Variants in SLC1A1 observed in about 807,000 individuals in gnomAD.
SLC1A1 encodes the protein excitatory amino acid transporter 3.
SLC1A1 carries 43 observed loss-of-function variants against 53.3 expected under a neutral mutation model. That is an observed-to-expected ratio of 0.81 (90% CI 0.63 to 1.04). The LOEUF (loss-of-function observed/expected upper bound fraction) is 1.04. Among genes scored for constraint, SLC1A1 ranks in the 50% least tolerant of loss-of-function variants. The probability of loss-of-function intolerance (pLI) is 0.00; values close to 1 mark genes in which losing one functional copy is unlikely to be tolerated. For synonymous variants in SLC1A1, 307 were observed against 243.2 expected, an observed-to-expected ratio of 1.26 and a Z score of -2.44; for missense variants, 748 against 664.9, an observed-to-expected ratio of 1.12 and a Z score of -1.37.
chr9:4,581,996 T>C (rs1345976943), intron 10 of SLC1A1, among the ~76,000 whole-genome samples: 1 of 152,146 alleles, frequency 6.6e-6, no homozygotes, highest in African/African-American at 2.4e-5. Flanking sequence ...AATTGCCAAT[T>C]TTTACATTTT....
chr9:4,562,313 A>T (rs1819033282), intron 3 of SLC1A1, among the ~76,000 whole-genome samples: 1 of 152,128 alleles, frequency 6.6e-6, no homozygotes, highest in African/African-American at 2.4e-5. Context: ...ACCTCAGGTG[A>T]TCTACCTGCC....
chr9:4,550,680 C>T (rs1006661745), intron 2 of SLC1A1, among the ~76,000 whole-genome samples: 5 of 152,180 alleles, frequency 3.3e-5, no homozygotes, highest in African/African-American at 1.2e-4. Context: ...AATGAGCCAC[C>T]ACACCTGCCC....
At chr9:4,524,273 G>A (rs891082731) in intron 1 of SLC1A1, among the ~76,000 whole-genome samples, 4 of 152,122 alleles carry the variant, frequency 2.6e-5, no homozygotes, top group Admixed American at 1.3e-4. Flanking sequence ...TGGGCATATC[G>A]GAAAGGGTAA....
chr9:4,566,419 A>G (rs1043793931), intron 5 of SLC1A1, among the ~76,000 whole-genome samples: 2 of 152,216 alleles, frequency 1.3e-5, no homozygotes, highest in African/African-American at 2.4e-5. Context: ...GAACCATAGT[A>G]TATTTGTACT....
intron 2 of SLC1A1, among the ~76,000 whole-genome samples, chr9:4,560,581 A>T (rs1311091203): frequency 6.6e-6 from 1 of 152,140 alleles, no homozygotes; most frequent in Non-Finnish European, 1.5e-5. Flanking sequence ...GTTGTAATGA[A>T]TATATATTAC....
intron 1 of SLC1A1, among the ~76,000 whole-genome samples, chr9:4,531,629 G>C (rs1467364370): frequency 2.0e-5 from 3 of 152,172 alleles, no homozygotes; most frequent in Admixed American, 2.0e-4. Context: ...CACCTCTAGG[G>C]GCAGGGCAGT....
At chr9:4,509,405 T>C (rs1388415817) in intron 1 of SLC1A1, among the ~76,000 whole-genome samples, 1 of 152,072 alleles carries the variant, frequency 6.6e-6, no homozygotes, top group Non-Finnish European at 1.5e-5. Flanking sequence ...CACCCAGGGA[T>C]GAATAACTGG....
intron 10 of SLC1A1, among the ~76,000 whole-genome samples, chr9:4,578,217 G>A (rs1820743066): frequency 6.6e-6 from 1 of 152,202 alleles, no homozygotes; most frequent in African/African-American, 2.4e-5. Context: ...TAAGTCACAA[G>A]TTATTGCTTG....
intron 1 of SLC1A1, among the ~76,000 whole-genome samples, chr9:4,504,131 G>A (rs943039998): frequency 2.6e-5 from 4 of 151,640 alleles, no homozygotes; most frequent in African/African-American, 9.7e-5. Flanking sequence ...CAAGAAACCA[G>A]CACCAGAACC....
Position 4,549,931 on chromosome 9 carries a change from C to T in SLC1A1, c.232+5224C>T, listed in dbSNP as rs991999720. Among the ~76,000 whole-genome samples, 7 of 152,132 alleles carry T rather than the reference C, an allele frequency of 4.6e-5. No homozygotes were observed. The highest frequency in any genetic ancestry group is 1.0e-4 in the Non-Finnish European group (7 of 68,022). On this transcript the variant is annotated intron_variant, in intron 2 of 11. Transcript: ENST00000262352. This position sits in a 1 kb window ranked among gnomAD's most constrained non-coding sequence, Gnocchi z 4.1. ...TCATTCCTAACCCTTCCTGTGATGTCGCAGCTCTGGATTTCCTAAAAACGC... is the reference window on the plus strand; with the variant it reads ...TCATTCCTAACCCTTCCTGTGATGTTGCAGCTCTGGATTTCCTAAAAACGC...
Position 4,490,776 on chromosome 9 carries a change from C to T in SLC1A1, c.91+6C>T, listed in dbSNP as rs1247680038. The T allele has an allele frequency of 3.7e-6, 6 of 1,609,540 alleles. No homozygotes were observed. The highest frequency in any genetic ancestry group is 4.5e-5 in the East Asian group (2 of 44,768). On this transcript the variant is annotated splice_donor_region_variant and intron_variant, in intron 1 of 11. Coordinates refer to ENST00000262352, the MANE Select transcript of SLC1A1 (RefSeq NM_004170.6). ...CGTGGCCGCGGTGGTGCTAGGTGAG[C>T]GGCGCGGCGGGTGGGCGATGCGCGC... is the stretch of plus-strand genomic sequence containing the variant.
At chr9:4,559,190 G>A (rs1818699631) in intron 2 of SLC1A1, among the ~76,000 whole-genome samples, 1 of 152,164 alleles carries the variant, frequency 6.6e-6, no homozygotes, top group South Asian at 2.1e-4. Context: ...GGGAGGAAAA[G>A]AAAGACTCTT....
chr9:4,517,589 T>G (rs757601524), intron 1 of SLC1A1, among the ~76,000 whole-genome samples: 1 of 152,220 alleles, frequency 6.6e-6, no homozygotes, highest in Non-Finnish European at 1.5e-5. Flanking sequence ...TCTTCTGTTA[T>G]TGTGTACCAG....
chr9:4,570,624 G>C (rs1819942916), intron 6 of SLC1A1, among the ~76,000 whole-genome samples: 1 of 152,102 alleles, frequency 6.6e-6, no homozygotes, highest in African/African-American at 2.4e-5. Context: ...ACCTGCCTCA[G>C]CCTCCCAAAA....
chr9:4,491,917 C>G (rs1317199257), intron 1 of SLC1A1, among the ~76,000 whole-genome samples: 2 of 152,192 alleles, frequency 1.3e-5, no homozygotes, highest in Non-Finnish European at 2.9e-5. Flanking sequence ...TCCTCCGAAC[C>G]GCCCCCTCCC....
intron 10 of SLC1A1, among the ~76,000 whole-genome samples, chr9:4,578,616 A>C (rs142687553): frequency 5.3e-5 from 8 of 152,314 alleles, no homozygotes; most frequent in African/African-American, 1.4e-4. Context: ...CAAGGGTGAA[A>C]TGGTCCACAG....
chr9:4,511,969 T>C (rs1379025226), intron 1 of SLC1A1, among the ~76,000 whole-genome samples: 5 of 152,218 alleles, frequency 3.3e-5, no homozygotes, highest in South Asian at 2.1e-4. Flanking sequence ...TTGTGTGACA[T>C]AGCTCCAAAA....
rs301979 is a variant in SLC1A1 at position 4,576,851 on chromosome 9, G to C, written c.1193+88G>C. ...TCCATGAAGGGACACCAAGAATGTC[G>C]CAGTGATGAATTCTTTTTCTTGATC... is the stretch of plus-strand genomic sequence containing the variant. On this transcript the variant is annotated intron_variant, in intron 10 of 11. Coordinates refer to ENST00000262352, the MANE Select transcript of SLC1A1 (RefSeq NM_004170.6). The C allele has an allele frequency of 0.7, 808,308 of 1,146,710 alleles. 285,899 individuals are homozygous for C. Among genetic ancestry groups the C allele is most frequent in the Admixed American group, 0.77 (45,551 of 59,220 alleles). The allele number at this position is 1,146,710 out of a possible 1,614,324, so 71.0% of individuals were successfully genotyped here. A position where few individuals can be genotyped will look rare whatever the true frequency, so the allele number is the denominator to read the frequency against.
intron 2 of SLC1A1, among the ~76,000 whole-genome samples, chr9:4,547,312 T>C (rs1416628181): frequency 6.6e-6 from 1 of 152,216 alleles, no homozygotes; most frequent in Non-Finnish European, 1.5e-5. Flanking sequence ...TTTGAAGCTA[T>C]AGCATGGATC....
Sources: gnomAD v4.1 joint callset for allele counts (sites outside exome capture counted in the v4.1 genomes callset) on GRCh38, gnomAD v4.1.1 for gene constraint, Gnocchi (gnomAD v3.1) non-coding constraint, MANE v1.5 for transcripts, NCBI Gene and HGNC (gene_info 2026-07-23, HGNC 2026-07-21) for gene names.